The following AATF variants were observed in gnomAD, a reference collection of about 807,000 sequenced individuals.
AATF encodes the protein apoptosis antagonizing transcription factor, also known as protein AATF.
AATF carries 48 observed loss-of-function variants against 63.7 expected under a neutral mutation model. That is an observed-to-expected ratio of 0.75 (90% CI 0.60 to 0.96). The LOEUF (loss-of-function observed/expected upper bound fraction) is 0.96. Ranked by LOEUF, AATF falls within the 40% of genes least tolerant of loss-of-function variation. AATF has a pLI of 0.00. For synonymous variants in AATF, 258 were observed against 247.7 expected (o/e 1.04, Z -0.39); for missense variants, 639 against 685.7 (o/e 0.93, Z 0.76).
At chr17:37,043,904 A>G (rs1042272044) in intron 11 of AATF, among the ~76,000 whole-genome samples, 11 of 152,220 alleles carry the variant, frequency 7.2e-5, no homozygotes, top group Non-Finnish European at 1.5e-5. Flanking sequence ...GAGAAGGACT[A>G]TTTTAAATGT....
At chr17:37,010,545 T>G (rs2071382969) in intron 8 of AATF, among the ~76,000 whole-genome samples, 1 of 152,156 alleles carries the variant, frequency 6.6e-6, no homozygotes, top group Non-Finnish European at 1.5e-5. Flanking sequence ...GTGGTGATTG[T>G]GTTCAGATGG....
At chr17:36,971,789 G>C (rs1384745307) in intron 4 of AATF, among the ~76,000 whole-genome samples, 1 of 152,186 alleles carries the variant, frequency 6.6e-6, no homozygotes, top group Non-Finnish European at 1.5e-5. Flanking sequence ...AGTGAAATAT[G>C]CCAGCCTCAA....
intron 10 of AATF, among the ~76,000 whole-genome samples, chr17:37,024,092 C>T (rs2071493383): frequency 6.6e-6 from 1 of 151,992 alleles, no homozygotes. Context: ...ATTTTTGATC[C>T]ATGGTTGATT....
At chr17:37,027,278 A>G (rs528262903) in intron 10 of AATF, among the ~76,000 whole-genome samples, 3 of 152,302 alleles carry the variant, frequency 2.0e-5, no homozygotes, top group South Asian at 4.2e-4. Context: ...CCAAGCCTTT[A>G]ATAATATGAC....
At chr17:36,986,288 A>G (rs1415237539) in intron 4 of AATF, among the ~76,000 whole-genome samples, 1 of 152,210 alleles carries the variant, frequency 6.6e-6, no homozygotes, top group Non-Finnish European at 1.5e-5. Flanking sequence ...GGAACAAATT[A>G]ATGGTTATAA....
chr17:36,949,025 CGGATCAAGGCG>C lies in AATF; in HGVS notation c.-100_-90del. 8.9e-7 allele frequency: 1 copy of C among 1,121,944 alleles called. No individual in the cohort carries two copies. The highest frequency in any genetic ancestry group is 1.3e-6 in the Non-Finnish European group (1 of 785,366). 69.5% of individuals were successfully genotyped at this position (1,121,944 alleles called of 1,614,324 possible). A position where few individuals can be genotyped will look rare whatever the true frequency, so the allele number is the denominator to read the frequency against. Reference sequence around the variant, plus strand: ...GCGGTCTCTGGCGGAGTCGGGGAATCGGATCAAGGCGAGAGGATCCGGCAGGGAAGGAGCTT... The same window carrying C: ...GCGGTCTCTGGCGGAGTCGGGGAATCAGAGGATCCGGCAGGGAAGGAGCTT... On this transcript the variant is annotated 5_prime_UTR_variant, in exon 1 of 12. Transcript: ENST00000619387.
At chr17:37,020,826 T>C in intron 9 of AATF, 108 bp from the exon 10 acceptor site, 1 of 850,748 alleles carries the variant, frequency 1.2e-6, no homozygotes, top group Non-Finnish European at 1.8e-6. Flanking sequence ...GAACTTGATG[T>C]AGGTTGATGA....
intron 11 of AATF, among the ~76,000 whole-genome samples, chr17:37,034,461 G>A (rs1460068754): frequency 6.6e-6 from 1 of 152,000 alleles, no homozygotes; most frequent in Non-Finnish European, 1.5e-5. Flanking sequence ...TTTCATAATT[G>A]TTAGAATATC....
At chr17:37,055,041 G>C (rs1020512263) in intron 11 of AATF, 1 of 152,348 alleles carries the variant, frequency 6.6e-6, no homozygotes, top group African/African-American at 2.4e-5. Context: ...ACCTTGGCAG[G>C]CTTCGTCTGG....
intron 8 of AATF, among the ~76,000 whole-genome samples, chr17:37,014,943 G>C (rs931776408): frequency 2.0e-5 from 3 of 152,088 alleles, no homozygotes; most frequent in Admixed American, 6.6e-5. Context: ...CTTTTTCACA[G>C]CATCCTGCTC....
At chr17:37,003,410 G>A (rs980805021) in intron 8 of AATF, among the ~76,000 whole-genome samples, 2 of 151,798 alleles carry the variant, frequency 1.3e-5, no homozygotes, top group African/African-American at 4.8e-5. Flanking sequence ...GTAAGATGAG[G>A]GCTGAGAGAG....
intron 8 of AATF, among the ~76,000 whole-genome samples, chr17:36,997,802 T>C (rs1215705827): frequency 6.6e-6 from 1 of 152,168 alleles, no homozygotes; most frequent in Non-Finnish European, 1.5e-5. Flanking sequence ...CAATTCACAA[T>C]TGCAAAATCA....
intron 10 of AATF, among the ~76,000 whole-genome samples, chr17:37,029,030 A>AT (rs956426800): frequency 6.6e-6 from 1 of 151,856 alleles, no homozygotes. Context: ...TGTGTGTGGG[A>AT]TTTTTTGTTT....
intron 8 of AATF, among the ~76,000 whole-genome samples, chr17:37,017,156 A>T (rs2071434827): frequency 6.6e-6 from 1 of 152,182 alleles, no homozygotes; most frequent in Admixed American, 6.5e-5. Flanking sequence ...TTCCATGAGC[A>T]CTTGCACCCC....
intron 11 of AATF, among the ~76,000 whole-genome samples, chr17:37,051,513 A>T (rs915349627): frequency 1.3e-5 from 2 of 152,158 alleles, no homozygotes; most frequent in Non-Finnish European, 2.9e-5. Flanking sequence ...ATTTGGGTCC[A>T]CACATCGGTG....
At chr17:36,982,621 G>A (rs1167062086) in intron 4 of AATF, among the ~76,000 whole-genome samples, 1 of 152,086 alleles carries the variant, frequency 6.6e-6, no homozygotes, top group African/African-American at 2.4e-5. Flanking sequence ...CAAAGTACTG[G>A]GATTACAGGC....
At chr17:37,009,707 C>G (rs1052228517) in intron 8 of AATF, among the ~76,000 whole-genome samples, 3 of 148,808 alleles carry the variant, frequency 2.0e-5, no homozygotes, top group Non-Finnish European at 4.4e-5. Flanking sequence ...GTCCCAGCTA[C>G]TGGGGAGGCT....
chr17:37,050,975 G>C (rs546642495), intron 11 of AATF, among the ~76,000 whole-genome samples: 1 of 152,208 alleles, frequency 6.6e-6, no homozygotes, highest in East Asian at 1.9e-4. Context: ...GGGTCTCACT[G>C]TGTTGCTCAG....
At chr17:36,973,124 TTTC>T (rs1277027668) in intron 4 of AATF, among the ~76,000 whole-genome samples, 2 of 135,710 alleles carry the variant, frequency 1.5e-5, no homozygotes, top group African/African-American at 7.0e-5. Context: ...TTCTTCTTTC[TTTC>T]TTTTTTCCTT....
Sources: gnomAD v4.1 joint callset for allele counts (sites outside exome capture counted in the v4.1 genomes callset) on GRCh38, gnomAD v4.1.1 for gene constraint, MANE v1.5 for transcripts, NCBI Gene and HGNC (gene_info 2026-07-23, HGNC 2026-07-21) for gene names.